Variants in KLHL3 observed in about 807,000 individuals in gnomAD.
KLHL3 encodes kelch like family member 3.
KLHL3 carries 19 observed loss-of-function variants against 70.5 expected under a neutral mutation model. The observed-to-expected ratio is 0.27, with a 90% CI of 0.19 to 0.40. KLHL3 has a LOEUF of 0.40. Ranked by LOEUF, KLHL3 falls within the 10% of genes least tolerant of loss-of-function variation. The pLI is 1.00. For synonymous variants in KLHL3, 258 were observed against 290.3 expected (o/e 0.89, Z 1.13); for missense variants, 512 against 771.1 (o/e 0.66, Z 3.98).
At chr5:137,725,298 A>C (rs2149937504) in intron 1 of KLHL3, among the ~76,000 whole-genome samples, 1 of 152,188 alleles carries the variant, frequency 6.6e-6, no homozygotes. Flanking sequence ...CACGCACACA[A>C]ATTTTCCAGG....
intron 3 of KLHL3, chr5:137,707,624 T>C (rs1478683259): frequency 6.5e-6 from 1 of 154,384 alleles, no homozygotes; most frequent in African/African-American, 2.4e-5. Context: ...AATAAACACA[T>C]GTGAACAGTA....
intron 7 of KLHL3, 165 bp downstream of exon 7, chr5:137,661,750 C>G (rs1019938522): frequency 3.6e-6 from 2 of 548,234 alleles, no homozygotes; most frequent in African/African-American, 3.8e-5. Flanking sequence ...AGCCTATGCT[C>G]TTAAACTTTA....
intron 4 of KLHL3, among the ~76,000 whole-genome samples, chr5:137,693,374 C>G (rs1752369697): frequency 6.6e-6 from 1 of 152,176 alleles, no homozygotes; most frequent in Admixed American, 6.5e-5. Context: ...AGTTCTTGCT[C>G]AGGTGTATAT....
chr5:137,717,479 G>A (rs143474357), intron 2 of KLHL3, among the ~76,000 whole-genome samples: 188 of 152,028 alleles, frequency 1.2e-3, no homozygotes, highest in African/African-American at 4.5e-3. Context: ...GCAATGAGCC[G>A]AGATCACACC....
intron 5 of KLHL3, among the ~76,000 whole-genome samples, 192 bp downstream of exon 5, chr5:137,692,093 C>G (rs775054678): frequency 6.6e-6 from 1 of 152,226 alleles, no homozygotes; most frequent in Non-Finnish European, 1.5e-5. Context: ...ATCCCCTTGG[C>G]AATTAATCAT....
rs1374528615 is a variant in KLHL3 at position 137,692,447 on chromosome 5, C to T, written c.364G>A (p.Val122Met). ...EIEVTEENVQ[V>M]LLPAASLLQL... ...AGCAAGCTGGCTGCCGGGAGCAGCA[C>T]CTGCAAGAGAAGGTGACATTCTCAG... Residue 122 changes from valine to methionine, a missense_variant and splice_region_variant, in exon 5 of 15, where the codon GTG becomes ATG. Transcript: ENST00000309755. 2 of 1,613,766 alleles carry T rather than the reference C, an allele frequency of 1.2e-6. No individual in the cohort carries two copies. Among genetic ancestry groups the T allele is most frequent in the Non-Finnish European group, 1.7e-6 (2 of 1,179,964 alleles).
At position 137,619,754 on chromosome 5, in the gene KLHL3, T is replaced by C. The variant is rs913271647; in HGVS notation, c.*2344A>G. On this transcript the variant is annotated 3_prime_UTR_variant, in exon 15 of 15. Coordinates refer to ENST00000309755, the MANE Select transcript of KLHL3 (RefSeq NM_017415.3). ...TTGGCAGCACGCCCAGTAGAGGCAG[T>C]GCTTTGTAGGGAGGGAGACATGAGG... 13 of 152,752 alleles carry C rather than the reference T, an allele frequency of 8.5e-5. No homozygotes were observed. The East Asian group carries it at 9.6e-4, about 11-fold the overall frequency. 9.5% of individuals were successfully genotyped at this position (152,752 alleles called of 1,614,324 possible).
rs550143673 is a variant in KLHL3, at chr5:137,624,385, G to C, written c.1735+1368C>G. Among the ~76,000 whole-genome samples the C allele has an allele frequency of 3.1e-4, 47 of 152,216 alleles. No individual in the cohort carries two copies. In the South Asian group the frequency reaches 9.3e-3, roughly 30 times the overall value. Reference sequence around the variant, plus strand: ...TCATTAAGGCACACATGGAGTCAAGGGAAGATTCCTCACTTGTCTCACTCA... The same window carrying C: ...TCATTAAGGCACACATGGAGTCAAGCGAAGATTCCTCACTTGTCTCACTCA... On this transcript the variant is annotated intron_variant, in intron 14 of 14. Coordinates refer to ENST00000309755, the MANE Select transcript of KLHL3 (RefSeq NM_017415.3).
chr5:137,699,515 C>A (rs529649180), intron 3 of KLHL3, among the ~76,000 whole-genome samples: 1 of 152,180 alleles, frequency 6.6e-6, no homozygotes, highest in South Asian at 2.1e-4. Context: ...AGATCACATG[C>A]AGGGAGAACA....
At chr5:137,641,143 A>T (rs2149886259) in intron 8 of KLHL3, among the ~76,000 whole-genome samples, 1 of 152,348 alleles carries the variant, frequency 6.6e-6, no homozygotes, top group East Asian at 1.9e-4. Flanking sequence ...AACATGTACA[A>T]ATTCATAGCT....
At chr5:137,658,091 C>A (rs754988458) in intron 8 of KLHL3, 40 bp downstream of exon 8, 1 of 1,577,674 alleles carries the variant, frequency 6.3e-7, no homozygotes, top group Admixed American at 1.9e-5. Context: ...TTTCCCAGGG[C>A]ACAGTCCTGA....
chr5:137,650,540 C>T (rs1751173812), intron 8 of KLHL3, among the ~76,000 whole-genome samples: 1 of 152,166 alleles, frequency 6.6e-6, no homozygotes, highest in Admixed American at 6.5e-5. Context: ...AATGAATTGG[C>T]AAGGCACGGT....
intron 3 of KLHL3, among the ~76,000 whole-genome samples, chr5:137,699,068 G>A (rs1752510856): frequency 1.3e-5 from 2 of 152,134 alleles, no homozygotes; most frequent in Non-Finnish European, 2.9e-5. Context: ...TCTGACTCTA[G>A]AGTCCATATT....
chr5:137,725,417 C>T (rs1277547689), intron 1 of KLHL3, among the ~76,000 whole-genome samples: 1 of 152,204 alleles, frequency 6.6e-6, no homozygotes, highest in African/African-American at 2.4e-5. Flanking sequence ...GCCCCAGATT[C>T]TACTAAAAAC....
At chr5:137,632,781 A>T (rs1750669324) in intron 12 of KLHL3, among the ~76,000 whole-genome samples, 2 of 152,248 alleles carry the variant, frequency 1.3e-5, no homozygotes, top group South Asian at 4.1e-4. Flanking sequence ...ATTAATGTTC[A>T]GAATATACAA....
intron 8 of KLHL3, among the ~76,000 whole-genome samples, chr5:137,656,362 A>T (rs1751345275): frequency 6.6e-6 from 1 of 152,216 alleles, no homozygotes; most frequent in Non-Finnish European, 1.5e-5. Flanking sequence ...AGTCTGTACC[A>T]CATGGCTGCA....
chr5:137,705,271 G>T (rs1251590314), intron 3 of KLHL3, among the ~76,000 whole-genome samples: 1 of 152,212 alleles, frequency 6.6e-6, no homozygotes, highest in Non-Finnish European at 1.5e-5. Context: ...CACAGGCCAG[G>T]GCCTGGTAGA....
At chr5:137,665,338 C>G (rs2967788) in intron 6 of KLHL3, among the ~76,000 whole-genome samples, 66,326 of 151,780 alleles carry the variant, frequency 0.44, 14,692 homozygotes, top group African/African-American at 0.51. Context: ...AGATAATATT[C>G]CTAGATCAAT....
intron 2 of KLHL3, among the ~76,000 whole-genome samples, chr5:137,717,855 T>C (rs1752923790): frequency 6.6e-6 from 1 of 152,020 alleles, no homozygotes; most frequent in African/African-American, 2.4e-5. Flanking sequence ...GTGGTCCATT[T>C]GAAAAAAAAC....
Sources: allele counts gnomAD v4.1 joint callset (sites outside exome capture counted in the v4.1 genomes callset), GRCh38; gene constraint gnomAD v4.1.1; transcripts MANE v1.5; gene names NCBI Gene and HGNC (gene_info 2026-07-23, HGNC 2026-07-21).